The following NEDD9 variants were observed in gnomAD, a reference collection of about 807,000 sequenced individuals.
NEDD9 encodes enhancer of filamentation 1.
A neutral mutation model predicts 76.6 loss-of-function variants in NEDD9; 26 were observed. That is an observed-to-expected ratio of 0.34 (90% CI 0.25 to 0.47). The LOEUF (loss-of-function observed/expected upper bound fraction) is 0.47. NEDD9 is among the 20% of genes least tolerant of loss of function. The probability of loss-of-function intolerance (pLI) is 1.00; values close to 1 mark genes in which losing one functional copy is unlikely to be tolerated. For synonymous variants in NEDD9, 392 were observed against 414.2 expected (o/e 0.95, Z 0.65); for missense variants, 937 against 1,058.5 (o/e 0.89, Z 1.59).
chr6:11,200,697 C>T (rs1327427662), intron 2 of NEDD9: 1 of 1,290,744 alleles, frequency 7.7e-7, no homozygotes, highest in South Asian at 1.9e-5. Context: ...ATCTACGAGG[C>T]AGTGAGAATT....
intron 2 of NEDD9, among the ~76,000 whole-genome samples, chr6:11,309,857 TC>T (rs921381189): frequency 6.6e-6 from 1 of 152,202 alleles, no homozygotes; most frequent in African/African-American, 2.4e-5. Flanking sequence ...TATAATAATA[TC>T]CATAGTTTTT....
At chr6:11,360,972 A>G (rs1281206437) in intron 1 of NEDD9, among the ~76,000 whole-genome samples, 2 of 152,236 alleles carry the variant, frequency 1.3e-5, no homozygotes, top group East Asian at 1.9e-4. Flanking sequence ...AAACTAATGT[A>G]TCAGCTTGTT....
At chr6:11,208,013 A>C (rs1758661937) in intron 2 of NEDD9, among the ~76,000 whole-genome samples, 1 of 152,140 alleles carries the variant, frequency 6.6e-6, no homozygotes, top group Non-Finnish European at 1.5e-5. Flanking sequence ...CCCCGTCTCT[A>C]CTAAAAGCAC....
intron 1 of NEDD9, among the ~76,000 whole-genome samples, chr6:11,353,075 C>T (rs915308200): frequency 1.3e-5 from 2 of 152,252 alleles, no homozygotes; most frequent in Non-Finnish European, 2.9e-5. Context: ...ATGTTCCTGT[C>T]GGGGTCCCAG....
intron 2 of NEDD9, among the ~76,000 whole-genome samples, chr6:11,309,726 A>G (rs1283738193): frequency 6.6e-6 from 1 of 152,184 alleles, no homozygotes; most frequent in Non-Finnish European, 1.5e-5. Context: ...TAAAACATTT[A>G]TGGGTTTTTC....
chr6:11,269,805 C>T (rs1760267446), intron 3 of NEDD9, among the ~76,000 whole-genome samples: 1 of 149,880 alleles, frequency 6.7e-6, no homozygotes, highest in South Asian at 2.1e-4. Context: ...TAGAGTAAAC[C>T]ATTAAAAAAC....
chr6:11,207,965 G>T (rs1173656038), intron 2 of NEDD9, among the ~76,000 whole-genome samples: 1 of 152,102 alleles, frequency 6.6e-6, no homozygotes, highest in South Asian at 2.1e-4. Flanking sequence ...ATCACCTGAG[G>T]CCAGGAGTTC....
At chr6:11,200,839 A>G in intron 2 of NEDD9, 2 of 1,529,672 alleles carry the variant, frequency 1.3e-6, no homozygotes, top group Non-Finnish European at 1.8e-6. Flanking sequence ...AGCTCAAGAC[A>G]CGCCAATGGG....
intron 3 of NEDD9, among the ~76,000 whole-genome samples, chr6:11,285,251 C>G (rs1185986701): frequency 6.6e-6 from 1 of 152,000 alleles, no homozygotes; most frequent in African/African-American, 2.4e-5. Flanking sequence ...AAGTGATGTA[C>G]TTTGAATACT....
chr6:11,261,075 C>T (rs188887024), intron 3 of NEDD9, among the ~76,000 whole-genome samples: 2 of 152,262 alleles, frequency 1.3e-5, no homozygotes, highest in East Asian at 1.9e-4. Flanking sequence ...TCACATGTGG[C>T]ACAAGATGTT....
In NEDD9 at chr6:11,232,613, G is replaced by A; in HGVS notation, c.-98C>T. 6.2e-7 allele frequency: 1 copy of A among 1,606,058 alleles called. No individual in the cohort carries two copies. The highest frequency in any genetic ancestry group is 1.1e-5 in the South Asian group (1 of 90,770). On this transcript the variant is annotated 5_prime_UTR_variant, in exon 1 of 7. Transcript: ENST00000379446. ...CCATTGAGTGCAGCGCTAGATGAAA[G>A]CGAGAAGGTCCCGGGCAGAGCCGCT...
intron 1 of NEDD9, among the ~76,000 whole-genome samples, chr6:11,345,638 C>T (rs1762350797): frequency 6.6e-6 from 1 of 152,186 alleles, no homozygotes; most frequent in Non-Finnish European, 1.5e-5. Flanking sequence ...GCTCTTAGCT[C>T]TCCTGTCTTC....
chr6:11,333,473 G>A (rs149713931), intron 2 of NEDD9, among the ~76,000 whole-genome samples: 1 of 152,318 alleles, frequency 6.6e-6, no homozygotes, highest in African/African-American at 2.4e-5. Flanking sequence ...TGCCTCACAG[G>A]TATTGACTCC....
At chr6:11,215,978 G>A (rs563486138) in intron 1 of NEDD9, among the ~76,000 whole-genome samples, 4 of 152,308 alleles carry the variant, frequency 2.6e-5, no homozygotes, top group South Asian at 2.1e-4. Context: ...AGAAATCCCC[G>A]TGCGAGAGTC....
intron 3 of NEDD9, among the ~76,000 whole-genome samples, chr6:11,284,176 G>A (rs1760595684): frequency 6.6e-6 from 1 of 152,072 alleles, no homozygotes; most frequent in Non-Finnish European, 1.5e-5. Flanking sequence ...GTGAGATCCT[G>A]CATAGAGATG....
At chr6:11,319,794 ACT>A (rs1221963492) in intron 2 of NEDD9, among the ~76,000 whole-genome samples, 8 of 151,542 alleles carry the variant, frequency 5.3e-5, no homozygotes, top group South Asian at 2.1e-4. Context: ...TAACATGCAC[ACT>A]CACACACTGG....
chr6:11,334,369 T>C (rs1561838845), intron 2 of NEDD9: 1 of 152,190 alleles, frequency 6.6e-6, no homozygotes, highest in Non-Finnish European at 1.5e-5. Context: ...ATCTGAAAAA[T>C]AACACAAATA....
chr6:11,355,895 T>C (rs1762561044), intron 1 of NEDD9, among the ~76,000 whole-genome samples: 2 of 150,414 alleles, frequency 1.3e-5, no homozygotes, highest in African/African-American at 2.5e-5. Context: ...TAATTTTTTG[T>C]ATTTTTTAGT....
intron 1 of NEDD9, among the ~76,000 whole-genome samples, chr6:11,355,925 G>A (rs1006829653): frequency 2.0e-5 from 3 of 152,070 alleles, no homozygotes; most frequent in East Asian, 1.9e-4. Context: ...GTTTCACCGT[G>A]TTAGCCAGGA....
Sources: gnomAD v4.1 joint callset for allele counts (sites outside exome capture counted in the v4.1 genomes callset) on GRCh38, gnomAD v4.1.1 for gene constraint, MANE v1.5 for transcripts, NCBI Gene and HGNC (gene_info 2026-07-23, HGNC 2026-07-21) for gene names.